MCF2L2: variants seen among roughly 807,000 people sequenced by gnomAD.
The protein encoded by MCF2L2 is MCF.2 cell line derived transforming sequence-like 2, also known as probable guanine nucleotide exchange factor MCF2L2.
In MCF2L2, 102 loss-of-function variants were observed where a neutral mutation model predicts 150.2. The observed-to-expected ratio is 0.68, with a 90% confidence interval of 0.58 to 0.80. The LOEUF is 0.80. Ranked by LOEUF, MCF2L2 falls within the 30% of genes least tolerant of loss-of-function variation. The pLI is 0.00. For synonymous variants in MCF2L2, 465 were observed against 491.3 expected (o/e 0.95, Z 0.71); for missense variants, 1,256 against 1,372.8 (o/e 0.91, Z 1.34).
chr3:183,207,528 T>C, intron 23 of MCF2L2, 80 bp downstream of exon 23: 2 of 1,105,462 alleles, frequency 1.8e-6, no homozygotes. Flanking sequence ...CACTGCAGCT[T>C]CCTCATCTGT....
intron 25 of MCF2L2, among the ~76,000 whole-genome samples, chr3:183,203,228 A>AG (rs1283769605): frequency 6.6e-6 from 1 of 152,194 alleles, no homozygotes; most frequent in Non-Finnish European, 1.5e-5. Context: ...AGAAAAAAAA[A>AG]GAAAAAAGAA....
chr3:183,231,638 TG>T (rs1394146331), intron 15 of MCF2L2, among the ~76,000 whole-genome samples: 4 of 151,628 alleles, frequency 2.6e-5, no homozygotes, highest in Non-Finnish European at 5.9e-5. Context: ...TTTTTTTTTT[TG>T]GTAGAGATGA....
chr3:183,239,154 C>T (rs1723888914), intron 15 of MCF2L2, among the ~76,000 whole-genome samples: 1 of 152,156 alleles, frequency 6.6e-6, no homozygotes, highest in Non-Finnish European at 1.5e-5. Flanking sequence ...TGGCAATCTA[C>T]TCAGAGCTAG....
At chr3:183,196,705 G>A (rs556062027) in intron 25 of MCF2L2, among the ~76,000 whole-genome samples, 12 of 152,242 alleles carry the variant, frequency 7.9e-5, no homozygotes, top group African/African-American at 2.2e-4. Flanking sequence ...GTTCTGCTGC[G>A]GATAAGTTAT....
intron 15 of MCF2L2, among the ~76,000 whole-genome samples, chr3:183,245,966 T>G (rs1040235426): frequency 2.0e-5 from 3 of 152,232 alleles, no homozygotes; most frequent in African/African-American, 7.2e-5. Flanking sequence ...TATGGTAAAC[T>G]ACCTCAAATT....
At chr3:183,295,213 A>G in intron 13 of MCF2L2, 87 bp downstream of exon 13, 2 of 1,354,142 alleles carry the variant, frequency 1.5e-6, no homozygotes, top group Non-Finnish European at 2.0e-6. Flanking sequence ...AACAGCGACC[A>G]TTATCCATTG....
intron 6 of MCF2L2, among the ~76,000 whole-genome samples, chr3:183,319,421 G>A (rs1729727203): frequency 6.6e-6 from 1 of 152,184 alleles, no homozygotes; most frequent in South Asian, 2.1e-4. Context: ...TCAAACTCCT[G>A]TTAATACTGA....
Position 183,270,089 on chromosome 3 carries a change from T to C in MCF2L2, c.1862+6783A>G. The C allele has an allele frequency of 6.2e-7, 1 of 1,614,162 alleles. No homozygotes were observed. Among genetic ancestry groups the C allele is most frequent in the Non-Finnish European group, 8.5e-7 (1 of 1,180,050 alleles). On this transcript the variant is annotated intron_variant, in intron 15 of 29. Coordinates refer to ENST00000328913, the MANE Select transcript of MCF2L2 (RefSeq NM_015078.4). This position sits in a 1 kb window ranked among gnomAD's most constrained non-coding sequence, Gnocchi z 4.5. The stretch of plus-strand genomic sequence containing the variant: ...TCCTTTTACTGTTTGTAAAAACTGC[T>C]CCTGAAAACTATGATCGACGTTCCG...
chr3:183,379,625 T>C (rs1365797573), intron 2 of MCF2L2, among the ~76,000 whole-genome samples: 6 of 152,232 alleles, frequency 3.9e-5, no homozygotes, highest in African/African-American at 1.4e-4. Flanking sequence ...TTTGAATCCT[T>C]TGAAGAGAGT....
chr3:183,292,857 A>G (rs116150639), intron 13 of MCF2L2, among the ~76,000 whole-genome samples: 3,046 of 152,272 alleles, frequency 0.02, 60 homozygotes, highest in East Asian at 0.051. Flanking sequence ...GAAAAACAGT[A>G]CAAAGAGATA....
intron 2 of MCF2L2, among the ~76,000 whole-genome samples, chr3:183,387,486 C>T (rs949889030): frequency 6.6e-6 from 1 of 152,022 alleles, no homozygotes; most frequent in Non-Finnish European, 1.5e-5. Flanking sequence ...TTATTGTGAG[C>T]ATGACATTGG....
intron 15 of MCF2L2, among the ~76,000 whole-genome samples, chr3:183,254,929 T>C (rs1724900254): frequency 6.6e-6 from 1 of 152,196 alleles, no homozygotes; most frequent in Non-Finnish European, 1.5e-5. Flanking sequence ...GGATACCATA[T>C]AGGTAAAAGT....
At chr3:183,351,190 G>GTGTATATATATATATA (rs1491563903) in intron 3 of MCF2L2, among the ~76,000 whole-genome samples, 3 of 38,844 alleles carry the variant, frequency 7.7e-5, no homozygotes, top group African/African-American at 2.6e-4. Context: ...ATTTTCTTAA[G>GTGTATATATATATATA]TATATATATA....
chr3:183,355,515 C>T (rs1330917088), intron 3 of MCF2L2, among the ~76,000 whole-genome samples: 1 of 150,760 alleles, frequency 6.6e-6, no homozygotes, highest in African/African-American at 2.4e-5. Flanking sequence ...GGCGCGATCT[C>T]GGCTCACTGC....
chr3:183,311,587 C>G, intron 8 of MCF2L2, 61 bp downstream of exon 8: 1 of 1,596,258 alleles, frequency 6.3e-7, no homozygotes. Context: ...CTTGGTTGCT[C>G]CAGAACATCT....
At chr3:183,185,327 T>TG (rs1157524473) in intron 27 of MCF2L2, among the ~76,000 whole-genome samples, 1 of 152,266 alleles carries the variant, frequency 6.6e-6, no homozygotes, top group Non-Finnish European at 1.5e-5. Context: ...CTAAACCCCC[T>TG]GGGCTTTCCT....
chr3:183,215,762 T>C (rs987494155), intron 22 of MCF2L2, among the ~76,000 whole-genome samples: 1 of 152,186 alleles, frequency 6.6e-6, no homozygotes, highest in South Asian at 2.1e-4. Context: ...TTCAGAACCC[T>C]GAGGAATAAA....
intron 2 of MCF2L2, among the ~76,000 whole-genome samples, chr3:183,384,737 A>G (rs1343113461): frequency 6.6e-6 from 1 of 152,188 alleles, no homozygotes; most frequent in Non-Finnish European, 1.5e-5. Flanking sequence ...CTCTGCATGA[A>G]TTACTCTTTC....
At chr3:183,411,602 T>C (rs1715319072) in intron 1 of MCF2L2, among the ~76,000 whole-genome samples, 1 of 150,956 alleles carries the variant, frequency 6.6e-6, no homozygotes, top group Admixed American at 6.6e-5. Context: ...GTAGAAATGT[T>C]AGGCTACTTG....
Sources: allele counts gnomAD v4.1 joint callset (sites outside exome capture counted in the v4.1 genomes callset), GRCh38; gene constraint gnomAD v4.1.1; non-coding constraint Gnocchi (gnomAD v3.1); transcripts MANE v1.5; gene names NCBI Gene and HGNC (gene_info 2026-07-23, HGNC 2026-07-21).